The following ZNF469 variants were observed in gnomAD, a reference collection of about 807,000 sequenced individuals.
ZNF469 encodes zinc finger protein 469.
Under a neutral mutation model 1.0 loss-of-function variants are expected in ZNF469, and 1 was observed. That is an observed-to-expected ratio of 1.00 (90% CI 0.35 to 4.73). ZNF469 has a LOEUF of 4.73. Among genes scored for constraint, ZNF469 ranks in the 30% most tolerant of loss-of-function variants. ZNF469 has a pLI of 0.16. For synonymous variants in ZNF469, 2,703 were observed against 2,363.4 expected (o/e 1.14, Z -4.17); for missense variants, 6,100 against 5,356.3 (o/e 1.14, Z -4.33).
the ZNF469 span, among the ~76,000 whole-genome samples, chr16:88,227,528 C>G: frequency 2.7e-5 from 4 of 149,576 alleles, no homozygotes; most frequent in Non-Finnish European, 5.9e-5. Flanking sequence ...CCCCATCTCC[C>G]CATCTCCCCG....
At chr16:88,221,700 A>G in the ZNF469 span, among the ~76,000 whole-genome samples, 1 of 152,200 alleles carries the variant, frequency 6.6e-6, no homozygotes, top group African/African-American at 2.4e-5. Context: ...CAAACAACAG[A>G]AATGCATCCT....
At chr16:88,283,725 G>T in the ZNF469 span, among the ~76,000 whole-genome samples, 2 of 152,246 alleles carry the variant, frequency 1.3e-5, no homozygotes, top group African/African-American at 4.8e-5. Context: ...GCCCACCAAG[G>T]TAGCTCAGCT....
the ZNF469 span, among the ~76,000 whole-genome samples, chr16:88,245,042 A>T: frequency 6.6e-6 from 1 of 152,010 alleles, no homozygotes; most frequent in Admixed American, 6.5e-5. Flanking sequence ...GAGCAGCAGG[A>T]CACACCCGTA....
At position 88,393,138 on chromosome 16, in the gene ZNF469, C is replaced by T. The variant is rs1332127129; in HGVS notation, c.-192+9884C>T. Among the ~76,000 whole-genome samples, 5 of 152,278 alleles carry T rather than the reference C, an allele frequency of 3.3e-5. No homozygotes were observed. In the East Asian group the frequency reaches 5.8e-4, roughly 18 times the overall value. Reference sequence around the variant, plus strand: ...GCACCACGCGGCTGGCAGCTGTGGCCGGTCTATAAATACATTCTAAACGCG... The same window carrying T: ...GCACCACGCGGCTGGCAGCTGTGGCTGGTCTATAAATACATTCTAAACGCG... On this transcript the variant is annotated intron_variant, in intron 1 of 2. Coordinates refer to ENST00000565624, the MANE Select transcript of ZNF469 (RefSeq NM_001367624.2).
At position 88,433,592 on chromosome 16, in the gene ZNF469, G is replaced by T. The variant is rs575336882; in HGVS notation, c.6122G>T (p.Gly2041Val). 4.6e-5 allele frequency: 72 copies of T among 1,550,336 alleles called. No individual in the cohort carries two copies. In the African/African-American group the frequency reaches 9.6e-4, roughly 21 times the overall value. The part of the protein sequence containing the change: ...EGAVLLEKCK[G>V]SRAAMSLQEE... ...GCAGTCCTGCTAGAGAAATGCAAGG[G>T]AAGCAGGGCAGCCATGAGCCTTCAG... Residue 2041 changes from glycine (G) to valine (V), a missense_variant, in exon 3 of 3, where the codon GGA (glycine) becomes GTA (valine). By Grantham distance (109) the Gly-to-Val change is moderately radical (BLOSUM62 -3). Transcript: ENST00000565624.
chr16:88,414,418 C>T (rs1905253286), intron 1 of ZNF469, among the ~76,000 whole-genome samples: 1 of 152,254 alleles, frequency 6.6e-6, no homozygotes, highest in African/African-American at 2.4e-5. Flanking sequence ...ACCTCCACCC[C>T]AAAGAGCCCT....
the ZNF469 span, among the ~76,000 whole-genome samples, chr16:88,368,294 T>C: frequency 6.6e-6 from 1 of 152,142 alleles, no homozygotes; most frequent in Non-Finnish European, 1.5e-5. Context: ...GAGCTACACA[T>C]GTGGGACAGG....
At chr16:88,271,283 G>T in the ZNF469 span, among the ~76,000 whole-genome samples, 1 of 139,686 alleles carries the variant, frequency 7.2e-6, no homozygotes, top group African/African-American at 2.4e-5. Flanking sequence ...GACAAAGTAC[G>T]TGGGAATGTG....
the ZNF469 span, among the ~76,000 whole-genome samples, chr16:88,301,163 T>C: frequency 3.3e-5 from 1 of 30,248 alleles, no homozygotes; most frequent in African/African-American, 6.2e-5. Context: ...CACACTTTTC[T>C]TTTTTTTTTG....
At chr16:88,356,738 C>T in the ZNF469 span, among the ~76,000 whole-genome samples, 4 of 152,176 alleles carry the variant, frequency 2.6e-5, no homozygotes, top group African/African-American at 9.7e-5. Context: ...TGACGCAGCC[C>T]CATGTGCAGA....
At chr16:88,319,942 G>A in the ZNF469 span, among the ~76,000 whole-genome samples, 1 of 152,222 alleles carries the variant, frequency 6.6e-6, no homozygotes, top group Admixed American at 6.5e-5. Context: ...CTCATGTGGG[G>A]TCAGTGAGGG....
At chr16:88,351,757 G>A in the ZNF469 span, among the ~76,000 whole-genome samples, 1 of 151,960 alleles carries the variant, frequency 6.6e-6, no homozygotes, top group Admixed American at 6.5e-5. Flanking sequence ...GCAGGGGGTT[G>A]TGCGGGGCTC....
chr16:88,385,642 C>CAA (rs66861611), intron 1 of ZNF469, among the ~76,000 whole-genome samples: 130 of 133,176 alleles, frequency 9.8e-4, no homozygotes, highest in Non-Finnish European at 1.0e-3. Context: ...GACTCTGTCT[C>CAA]AAAAAAAAAA....
At chr16:88,308,128 G>A in the ZNF469 span, among the ~76,000 whole-genome samples, 1 of 152,170 alleles carries the variant, frequency 6.6e-6, no homozygotes, top group Admixed American at 6.5e-5. Context: ...TGCCCTTGTT[G>A]GAAATCAGTG....
the ZNF469 span, among the ~76,000 whole-genome samples, chr16:88,203,498 C>T: frequency 4.9e-5 from 7 of 142,960 alleles, no homozygotes; most frequent in African/African-American, 1.5e-4. Flanking sequence ...ACGGTGGGGG[C>T]GGGGACGGGG....
At chr16:88,410,370 C>CGTGGTCATGGT (rs1905120188) in intron 1 of ZNF469, among the ~76,000 whole-genome samples, 1 of 151,624 alleles carries the variant, frequency 6.6e-6, no homozygotes, top group African/African-American at 2.4e-5. Flanking sequence ...GTGCAGGTCA[C>CGTGGTCATGGT]ACAGTTTACG....
chr16:88,151,016 C>T, the ZNF469 span, among the ~76,000 whole-genome samples: 1 of 152,196 alleles, frequency 6.6e-6, no homozygotes, highest in Non-Finnish European at 1.5e-5. This position sits in a 1 kb window ranked among gnomAD's most constrained non-coding sequence, Gnocchi z 5.4. Context: ...GTATAATTTA[C>T]GACTCACTAA....
In ZNF469 at chr16:88,432,108, G is replaced by A; in HGVS notation, c.4638G>A (p.Gly1546=). Residue 1546 remains glycine, a synonymous_variant, in exon 3 of 3, where the codon GGG becomes GGA. Transcript: ENST00000565624. ...PGAAPSLPGK[G]SGCSVALMSH... ...CCGCCCCATCTTTGCCTGGGAAGGG[G>A]AGTGGATGTAGCGTTGCTCTTATGA... The A allele has an allele frequency of 6.4e-7, 1 of 1,550,518 alleles. No homozygotes were observed. The highest frequency in any genetic ancestry group is 8.7e-7 in the Non-Finnish European group (1 of 1,147,010).
the ZNF469 span, among the ~76,000 whole-genome samples, chr16:88,120,007 T>A: frequency 6.6e-6 from 1 of 152,168 alleles, no homozygotes; most frequent in Non-Finnish European, 1.5e-5. Context: ...CACTGTCTTC[T>A]GAGAATGGGA....
Sources: allele counts gnomAD v4.1 joint callset (sites outside exome capture counted in the v4.1 genomes callset), GRCh38; gene constraint gnomAD v4.1.1; non-coding constraint Gnocchi (gnomAD v3.1); transcripts MANE v1.5; gene names NCBI Gene and HGNC (gene_info 2026-07-23, HGNC 2026-07-21).